SPMIP4: variants seen among roughly 807,000 people sequenced by gnomAD.
SPMIP4 encodes the protein sperm microtubule inner protein 4.
the SPMIP4 span, chr7:25,168,558 A>T: frequency 9.7e-7 from 1 of 1,028,130 alleles, no homozygotes; most frequent in African/African-American, 1.7e-5. Flanking sequence ...CCACTTCATA[A>T]GTATTTTCAG....
the SPMIP4 span, among the ~76,000 whole-genome samples, chr7:25,134,333 TAAAA>T: frequency 1.8e-4 from 24 of 129,900 alleles, no homozygotes; most frequent in African/African-American, 2.3e-4. Flanking sequence ...ACACATTTTG[TAAAA>T]AAAAAAAAAA....
At chr7:25,169,578 T>C in the SPMIP4 span, among the ~76,000 whole-genome samples, 1 of 152,158 alleles carries the variant, frequency 6.6e-6, no homozygotes, top group Non-Finnish European at 1.5e-5. Flanking sequence ...ATTTATTTAT[T>C]TGTTTTTTTG....
chr7:25,152,265 T>C, the SPMIP4 span, among the ~76,000 whole-genome samples: 1 of 152,304 alleles, frequency 6.6e-6, no homozygotes, highest in African/African-American at 2.4e-5. Context: ...AGTACTTGCT[T>C]ACCAAAAAGG....
chr7:25,128,998 G>C, the SPMIP4 span, among the ~76,000 whole-genome samples: 1 of 152,214 alleles, frequency 6.6e-6, no homozygotes, highest in Non-Finnish European at 1.5e-5. This position sits in a 1 kb window ranked among gnomAD's most constrained non-coding sequence, Gnocchi z 4.5. Flanking sequence ...GGCTGAGCTG[G>C]TATTCAAGTT....
the SPMIP4 span, among the ~76,000 whole-genome samples, chr7:25,132,171 A>G: frequency 5.9e-5 from 9 of 152,338 alleles, no homozygotes; most frequent in Non-Finnish European, 1.2e-4. This position sits in a 1 kb window ranked among gnomAD's most constrained non-coding sequence, Gnocchi z 5.0. Flanking sequence ...CTGTCATGCA[A>G]CAGATGATTA....
chr7:25,158,463 A>G, the SPMIP4 span: 2 of 1,499,040 alleles, frequency 1.3e-6, no homozygotes, highest in Non-Finnish European at 1.8e-6. Flanking sequence ...TTTTTCTTTG[A>G]TTATAACAGA....
At chr7:25,143,986 G>A in the SPMIP4 span, among the ~76,000 whole-genome samples, 3 of 152,190 alleles carry the variant, frequency 2.0e-5, no homozygotes. Context: ...GAGGGAGGGT[G>A]AAGACAAGAG....
chr7:25,150,700 G>C, the SPMIP4 span, among the ~76,000 whole-genome samples: 3 of 152,178 alleles, frequency 2.0e-5, no homozygotes, highest in African/African-American at 7.2e-5. Context: ...ATGGGACAGA[G>C]GTTAAGGTCA....
At chr7:25,153,602 T>C in the SPMIP4 span, among the ~76,000 whole-genome samples, 1 of 151,904 alleles carries the variant, frequency 6.6e-6, no homozygotes, top group Non-Finnish European at 1.5e-5. Flanking sequence ...TCAACACATA[T>C]TTCTGTGATT....
At chr7:25,126,035 T>C in the SPMIP4 span, 5 of 736,772 alleles carry the variant, frequency 6.8e-6, no homozygotes, top group Non-Finnish European at 6.5e-6. Context: ...TTAAAATTTT[T>C]ATGAGTACGA....
the SPMIP4 span, among the ~76,000 whole-genome samples, chr7:25,158,313 G>A: frequency 6.7e-6 from 1 of 148,980 alleles, no homozygotes; most frequent in African/African-American, 2.5e-5. Context: ...AGGCTGCAGT[G>A]AGCTGTGATG....
chr7:25,158,636 A>C, the SPMIP4 span: 6 of 890,892 alleles, frequency 6.7e-6, no homozygotes, highest in African/African-American at 1.7e-5. Context: ...ATGGTGGCTC[A>C]TGCCTGTAAT....
At chr7:25,147,000 A>G in the SPMIP4 span, among the ~76,000 whole-genome samples, 8 of 152,228 alleles carry the variant, frequency 5.3e-5, no homozygotes, top group African/African-American at 1.9e-4. Context: ...GTCAAGTATT[A>G]AAACCTATGT....
At chr7:25,136,816 A>G in the SPMIP4 span, 1 of 1,591,680 alleles carries the variant, frequency 6.3e-7, no homozygotes, top group Middle Eastern at 1.7e-4. This position sits in a 1 kb window ranked among gnomAD's most constrained non-coding sequence, Gnocchi z 5.7. Context: ...GATAAAAAGG[A>G]GAAAAAAATT....
chr7:25,169,721 C>T, the SPMIP4 span, among the ~76,000 whole-genome samples: 5 of 152,074 alleles, frequency 3.3e-5, no homozygotes, highest in Admixed American at 2.0e-4. Flanking sequence ...ATTACAGGTG[C>T]CCACCACCAC....
At chr7:25,140,630 T>TC in the SPMIP4 span, among the ~76,000 whole-genome samples, 6 of 147,038 alleles carry the variant, frequency 4.1e-5, no homozygotes, top group East Asian at 6.1e-4. Flanking sequence ...TTTTCTTTTC[T>TC]CCCCCCGCCC....
chr7:25,174,100 A>G, the SPMIP4 span, among the ~76,000 whole-genome samples: 1 of 152,200 alleles, frequency 6.6e-6, no homozygotes, highest in Admixed American at 6.5e-5. The surrounding 1 kb of genome is among the most constrained non-coding windows in gnomAD (Gnocchi z 4.5). Flanking sequence ...CTGATTCTTA[A>G]ACATTTTTAA....
chr7:25,131,914 G>A, the SPMIP4 span, among the ~76,000 whole-genome samples: 1 of 152,222 alleles, frequency 6.6e-6, no homozygotes, highest in South Asian at 2.1e-4. The surrounding 1 kb of genome is among the most constrained non-coding windows in gnomAD (Gnocchi z 4.2). Flanking sequence ...CACCCTGCTG[G>A]ATCCGGAGGG....
the SPMIP4 span, chr7:25,135,580 G>T: frequency 1.1e-6 from 1 of 886,036 alleles, no homozygotes; most frequent in Non-Finnish European, 1.4e-6. Flanking sequence ...ACTATAATTT[G>T]TATAGTCATT....
Sources: allele counts gnomAD v4.1 joint callset (sites outside exome capture counted in the v4.1 genomes callset), GRCh38; gene constraint gnomAD v4.1.1; non-coding constraint Gnocchi (gnomAD v3.1); transcripts MANE v1.5; gene names NCBI Gene and HGNC (gene_info 2026-07-23, HGNC 2026-07-21).